The following BACH2 variants were observed in gnomAD, a reference collection of about 807,000 sequenced individuals.
BACH2 encodes BACH transcriptional regulator 2.
Under a neutral mutation model 61.8 loss-of-function variants are expected in BACH2, and 5 were observed. The observed-to-expected ratio is 0.08, with a 90% confidence interval of 0.04 to 0.17. BACH2 has a LOEUF of 0.17. BACH2 is among the 10% of genes least tolerant of loss of function. The pLI is 1.00. For synonymous variants in BACH2, 446 were observed against 440.1 expected (o/e 1.01, Z -0.17); for missense variants, 824 against 1,091.1 (o/e 0.76, Z 3.45).
intron 5 of BACH2, among the ~76,000 whole-genome samples, chr6:90,080,406 TA>T (rs1378718039): frequency 3.9e-5 from 6 of 152,158 alleles, no homozygotes; most frequent in Admixed American, 3.9e-4. Flanking sequence ...ACCTGAAGCT[TA>T]TCAAGCATTA....
At chr6:90,238,903 C>T (rs1770343543) in intron 3 of BACH2, among the ~76,000 whole-genome samples, 1 of 152,076 alleles carries the variant, frequency 6.6e-6, no homozygotes, top group South Asian at 2.1e-4. Flanking sequence ...ATTTCATAAC[C>T]TCCCTGCTGT....
chr6:90,020,972 CT>C (rs1204681542), intron 5 of BACH2, among the ~76,000 whole-genome samples: 4 of 152,188 alleles, frequency 2.6e-5, no homozygotes, highest in Admixed American at 2.6e-4. Flanking sequence ...TGTAAGGAAG[CT>C]TTCCAAAGGT....
chr6:90,287,086 T>G (rs1424373115), intron 1 of BACH2, among the ~76,000 whole-genome samples: 1 of 151,870 alleles, frequency 6.6e-6, no homozygotes, highest in Non-Finnish European at 1.5e-5. Context: ...TGGCACTAGA[T>G]GGAGCCATCA....
At chr6:89,947,195 G>C (rs759500376) in intron 7 of BACH2, among the ~76,000 whole-genome samples, 2 of 152,200 alleles carry the variant, frequency 1.3e-5, no homozygotes, top group African/African-American at 2.4e-5. Context: ...AAGCAGGGCA[G>C]GGCAGAATTA....
At chr6:90,031,736 T>C (rs1325952374) in intron 5 of BACH2, among the ~76,000 whole-genome samples, 2 of 152,194 alleles carry the variant, frequency 1.3e-5, no homozygotes, top group African/African-American at 4.8e-5. Context: ...CATTCCATGC[T>C]CATGGGTAGG....
At chr6:90,074,605 C>T (rs1036414006) in intron 5 of BACH2, among the ~76,000 whole-genome samples, 7 of 152,148 alleles carry the variant, frequency 4.6e-5, no homozygotes, top group African/African-American at 1.7e-4. Flanking sequence ...TCATCCAGTA[C>T]ACTATTACTG....
chr6:90,295,513 G>C (rs866887632), intron 1 of BACH2, among the ~76,000 whole-genome samples: 11 of 152,048 alleles, frequency 7.2e-5, no homozygotes. Context: ...CTCCAGCGGC[G>C]CCGGGCTCCC....
intron 5 of BACH2, among the ~76,000 whole-genome samples, chr6:90,056,522 G>C (rs1178846139): frequency 6.6e-6 from 1 of 151,928 alleles, no homozygotes; most frequent in Non-Finnish European, 1.5e-5. Context: ...CAATAATAAT[G>C]GGAGACTTTA....
chr6:90,296,424 C>G (rs1772392977), intron 1 of BACH2, 56 bp downstream of exon 1: 2 of 150,512 alleles, frequency 1.3e-5, no homozygotes, highest in East Asian at 2.0e-4. Flanking sequence ...CCCCCGCAAA[C>G]TTGCCCCGCC....
chr6:89,947,683 A>T (rs1250695479), intron 7 of BACH2, among the ~76,000 whole-genome samples: 1 of 151,262 alleles, frequency 6.6e-6, no homozygotes, highest in East Asian at 2.0e-4. Context: ...CTCCTGCCTC[A>T]GCCTCCTGAG....
chr6:90,109,345 C>A (rs898104265), intron 4 of BACH2, among the ~76,000 whole-genome samples: 3 of 152,132 alleles, frequency 2.0e-5, no homozygotes, highest in African/African-American at 7.2e-5. Flanking sequence ...ACCACACTGT[C>A]CTGGCTTCTC....
At chr6:90,061,116 C>A (rs942089811) in intron 5 of BACH2, among the ~76,000 whole-genome samples, 11 of 152,128 alleles carry the variant, frequency 7.2e-5, no homozygotes, top group East Asian at 3.9e-4. Flanking sequence ...TTTTGAAGAG[C>A]TTTTTCTAGA....
chr6:90,202,199 A>G (rs1445428388), intron 4 of BACH2, among the ~76,000 whole-genome samples: 1 of 152,222 alleles, frequency 6.6e-6, no homozygotes, highest in East Asian at 1.9e-4. Flanking sequence ...TTTACCAACT[A>G]GAGCTCTGTA....
intron 6 of BACH2, among the ~76,000 whole-genome samples, chr6:89,960,014 A>G (rs1006808603): frequency 5.3e-5 from 8 of 152,012 alleles, no homozygotes; most frequent in Admixed American, 2.6e-4. Context: ...TCTGTGGTGG[A>G]GTGTCCGGAA....
chr6:90,050,587 CT>C (rs1779996068), intron 5 of BACH2, among the ~76,000 whole-genome samples: 1 of 152,000 alleles, frequency 6.6e-6, no homozygotes, highest in African/African-American at 2.4e-5. Context: ...CAATGCAATT[CT>C]TTTCACTTTT....
At chr6:90,236,166 T>G (rs1770254106) in intron 3 of BACH2, among the ~76,000 whole-genome samples, 1 of 152,256 alleles carries the variant, frequency 6.6e-6, no homozygotes, top group African/African-American at 2.4e-5. Flanking sequence ...CTTCATTCAT[T>G]TATTCAATCA....
chr6:90,253,230 G>GT (rs1306801691), intron 2 of BACH2, among the ~76,000 whole-genome samples: 1 of 151,928 alleles, frequency 6.6e-6, no homozygotes, highest in Non-Finnish European at 1.5e-5. Flanking sequence ...GATGACAGGA[G>GT]TGAAATCTTG....
intron 5 of BACH2, among the ~76,000 whole-genome samples, chr6:90,076,546 T>C (rs562692684): frequency 2.0e-5 from 3 of 152,312 alleles, no homozygotes; most frequent in Non-Finnish European, 4.4e-5. Flanking sequence ...GTGAATTCCA[T>C]CCCTGAAGCT....
At chr6:90,157,676 G>A (rs1224649918) in intron 4 of BACH2, among the ~76,000 whole-genome samples, 1 of 152,168 alleles carries the variant, frequency 6.6e-6, no homozygotes, top group African/African-American at 2.4e-5. Context: ...ATCAGGAACT[G>A]GGGCTGGGAC....
Sources: allele counts gnomAD v4.1 joint callset (sites outside exome capture counted in the v4.1 genomes callset), GRCh38; gene constraint gnomAD v4.1.1; transcripts MANE v1.5; gene names NCBI Gene and HGNC (gene_info 2026-07-23, HGNC 2026-07-21).